The following IGSF11 variants were observed in gnomAD, a reference collection of about 807,000 sequenced individuals.
IGSF11 encodes the protein CXADR like 1.
A neutral mutation model predicts 41.0 loss-of-function variants in IGSF11; 22 were observed. The ratio of observed to expected loss-of-function variants is 0.54; its 90% CI spans 0.38 to 0.77. IGSF11 has a LOEUF of 0.77. Ranked by LOEUF, IGSF11 falls within the 30% of genes least tolerant of loss-of-function variation. IGSF11 has a pLI of 0.00. For missense variants in IGSF11, 444 were observed against 530.8 expected (o/e 0.84, Z 1.61); for synonymous variants, 219 against 201.3 (o/e 1.09, Z -0.74).
intron 1 of IGSF11, among the ~76,000 whole-genome samples, chr3:118,980,772 C>T (rs192058165): frequency 5.3e-5 from 8 of 152,252 alleles, no homozygotes; most frequent in African/African-American, 1.9e-4. Context: ...TGCATGTAAC[C>T]GAATTTCATG....
intron 1 of IGSF11, among the ~76,000 whole-genome samples, chr3:118,983,777 T>C (rs943293576): frequency 1.3e-5 from 2 of 152,238 alleles, no homozygotes; most frequent in African/African-American, 4.8e-5. Flanking sequence ...CTGTTAGTTA[T>C]TCAATATAGA....
At chr3:118,915,300 A>C (rs527562617) in intron 4 of IGSF11, among the ~76,000 whole-genome samples, 78 of 131,532 alleles carry the variant, frequency 5.9e-4, no homozygotes, top group South Asian at 5.0e-3. Flanking sequence ...AGACGATCAA[A>C]TTACTCTGAG....
At chr3:118,931,669 G>A (rs1942863750) in intron 1 of IGSF11, among the ~76,000 whole-genome samples, 1 of 151,932 alleles carries the variant, frequency 6.6e-6, no homozygotes, top group Non-Finnish European at 1.5e-5. Context: ...GACTTACTGG[G>A]ACTTTTTAGT....
chr3:119,113,476 T>C (rs988487819), intron 1 of IGSF11, among the ~76,000 whole-genome samples: 5 of 152,202 alleles, frequency 3.3e-5, no homozygotes, highest in African/African-American at 1.2e-4. Flanking sequence ...ATGACACTCA[T>C]TAAATCTTAA....
At chr3:119,010,190 G>A (rs936907584) in intron 1 of IGSF11, among the ~76,000 whole-genome samples, 1 of 152,170 alleles carries the variant, frequency 6.6e-6, no homozygotes, top group African/African-American at 2.4e-5. Context: ...ATTCCCTGCA[G>A]GAACCACAGA....
intron 1 of IGSF11, among the ~76,000 whole-genome samples, chr3:119,000,846 T>A (rs1936750380): frequency 6.6e-6 from 1 of 152,164 alleles, no homozygotes; most frequent in Non-Finnish European, 1.5e-5. Flanking sequence ...AGTGCCTCTG[T>A]TCAAATCTAG....
At chr3:118,909,630 T>C (rs561664905) in intron 4 of IGSF11, among the ~76,000 whole-genome samples, 80 of 152,358 alleles carry the variant, frequency 5.3e-4, no homozygotes, top group African/African-American at 1.9e-3. Flanking sequence ...TTCCCATTAA[T>C]AGAATTTCCA....
At chr3:119,046,370 A>C (rs1157058101) in intron 1 of IGSF11, among the ~76,000 whole-genome samples, 2 of 152,280 alleles carry the variant, frequency 1.3e-5, no homozygotes, top group East Asian at 1.9e-4. Context: ...GAGCTGATGC[A>C]ATCAACTGGA....
chr3:119,017,989 T>C (rs1005496281), intron 1 of IGSF11, among the ~76,000 whole-genome samples: 4 of 151,862 alleles, frequency 2.6e-5, no homozygotes, highest in South Asian at 2.1e-4. Context: ...TCCATGTTGG[T>C]AAGAACTGAG....
intron 1 of IGSF11, among the ~76,000 whole-genome samples, chr3:119,023,471 A>G (rs1224635783): frequency 1.3e-5 from 2 of 152,124 alleles, no homozygotes; most frequent in Non-Finnish European, 2.9e-5. Context: ...AGTCTGGACA[A>G]TATCAGAAGC....
chr3:119,054,921 C>T (rs1006004040), intron 1 of IGSF11, among the ~76,000 whole-genome samples: 1 of 152,128 alleles, frequency 6.6e-6, no homozygotes, highest in African/African-American at 2.4e-5. Context: ...AACTGGGAGG[C>T]ACCCCCAAGT....
chr3:118,914,346 G>C (rs1187316559), intron 4 of IGSF11, among the ~76,000 whole-genome samples: 1 of 151,944 alleles, frequency 6.6e-6, no homozygotes, highest in Non-Finnish European at 1.5e-5. Flanking sequence ...CTGAGGTACC[G>C]GGTTCATCTC....
At chr3:119,012,248 G>A (rs1361427280) in intron 1 of IGSF11, among the ~76,000 whole-genome samples, 1 of 152,176 alleles carries the variant, frequency 6.6e-6, no homozygotes, top group African/African-American at 2.4e-5. Context: ...CAAACTATCA[G>A]TGATTAGTCT....
chr3:119,025,502 G>T (rs1343715320), intron 1 of IGSF11, among the ~76,000 whole-genome samples: 2 of 152,082 alleles, frequency 1.3e-5, no homozygotes, highest in Non-Finnish European at 2.9e-5. Flanking sequence ...ACAGATAACA[G>T]TTTTCATTTA....
chr3:118,982,805 T>C (rs1934869959), intron 1 of IGSF11, among the ~76,000 whole-genome samples: 1 of 152,214 alleles, frequency 6.6e-6, no homozygotes, highest in Admixed American at 6.5e-5. Flanking sequence ...CTACATAGGC[T>C]AGATTATGCC....
chr3:119,098,214 T>C (rs1216229534), intron 1 of IGSF11, among the ~76,000 whole-genome samples: 4 of 152,108 alleles, frequency 2.6e-5, no homozygotes, highest in Admixed American at 6.6e-5. Context: ...ATCATTTATA[T>C]GTCATGTGAT....
intron 1 of IGSF11, among the ~76,000 whole-genome samples, chr3:119,134,321 G>A (rs1048630464): frequency 8.5e-5 from 13 of 152,088 alleles, no homozygotes; most frequent in African/African-American, 1.4e-4. Context: ...AAACCCCATC[G>A]TCTCAGCCCA....
At chr3:118,987,568 C>T (rs1935381556) in intron 1 of IGSF11, among the ~76,000 whole-genome samples, 1 of 152,126 alleles carries the variant, frequency 6.6e-6, no homozygotes, top group Non-Finnish European at 1.5e-5. Context: ...TGCTGCTAAA[C>T]AATGTTTGGA....
chr3:119,124,227 T>C (rs990377056), intron 1 of IGSF11, among the ~76,000 whole-genome samples: 1 of 148,624 alleles, frequency 6.7e-6, no homozygotes, highest in Non-Finnish European at 1.5e-5. Context: ...ATTCTGGAGC[T>C]GAAAAATGAA....
Sources: gnomAD v4.1 joint callset for allele counts (sites outside exome capture counted in the v4.1 genomes callset) on GRCh38, gnomAD v4.1.1 for gene constraint, MANE v1.5 for transcripts, NCBI Gene and HGNC (gene_info 2026-07-23, HGNC 2026-07-21) for gene names.